ABAT: variants seen among roughly 807,000 people sequenced by gnomAD.
ABAT encodes the protein 4-aminobutyrate aminotransferase, mitochondrial.
Under a neutral mutation model 64.6 loss-of-function variants are expected in ABAT, and 45 were observed. That is an observed-to-expected ratio of 0.70 (90% CI 0.55 to 0.89). The LOEUF is 0.89. Ranked by LOEUF, ABAT falls within the 40% of genes least tolerant of loss-of-function variation. ABAT has a pLI of 0.00. For synonymous variants in ABAT, 297 were observed against 250.5 expected, an observed-to-expected ratio of 1.19 and a Z score of -1.75; for missense variants, 633 against 658.4, an observed-to-expected ratio of 0.96 and a Z score of 0.42.
In ABAT at chr16:8,753,997, A is replaced by C. The variant is rs150700163; in HGVS notation, c.316+3458A>C. ...AGAGGCTTGGGCAGGCAACAGAAAG[A>C]TTGTTCCTACTGCATTCAACCTCTG... On this transcript the variant is annotated intron_variant, in intron 5 of 15. Transcript: ENST00000268251. 2.3e-3 allele frequency among the ~76,000 whole-genome samples: 352 copies of C among 152,048 alleles called. 3 individuals are homozygous for C. Among genetic ancestry groups the C allele is most frequent in the African/African-American group, 8.1e-3 (338 of 41,496 alleles).
chr16:8,711,248 A>C (rs2142082117), intron 1 of ABAT, among the ~76,000 whole-genome samples: 1 of 152,308 alleles, frequency 6.6e-6, no homozygotes, highest in South Asian at 2.1e-4. Context: ...ATATTTCATG[A>C]TAAAAATTCA....
intron 1 of ABAT, among the ~76,000 whole-genome samples, chr16:8,694,276 G>A (rs1402334450): frequency 6.6e-6 from 1 of 151,634 alleles, no homozygotes; most frequent in East Asian, 1.9e-4. Context: ...GCCCGCCTCG[G>A]CCTTCCAAAG....
chr16:8,738,752 C>G (rs2059069329), intron 2 of ABAT, among the ~76,000 whole-genome samples: 1 of 151,748 alleles, frequency 6.6e-6, no homozygotes, highest in Non-Finnish European at 1.5e-5. Context: ...TCAAGTGATC[C>G]TCCTGCCTCA....
chr16:8,767,270 C>T (rs1039273978), intron 9 of ABAT, among the ~76,000 whole-genome samples: 1 of 152,252 alleles, frequency 6.6e-6, no homozygotes, highest in Admixed American at 6.5e-5. Context: ...TGCACCCCTC[C>T]TGAACCCAAG....
At chr16:8,748,673 T>G (rs1160887597) in intron 4 of ABAT, among the ~76,000 whole-genome samples, 2 of 2,988 alleles carry the variant, frequency 6.7e-4, no homozygotes, top group Non-Finnish European at 9.7e-3. Context: ...TTTTTCCCTT[T>G]GATTCTGTTT....
chr16:8,705,290 C>T (rs905297514), intron 1 of ABAT, among the ~76,000 whole-genome samples: 4 of 151,952 alleles, frequency 2.6e-5, no homozygotes, highest in Non-Finnish European at 5.9e-5. Context: ...ACAGGGAAAA[C>T]TGCCACTTTA....
At position 8,710,727 on chromosome 16, in the gene ABAT, A is replaced by AGAGAGAGAGGGAGG. The variant is rs146344975; in HGVS notation, c.-41-24969_-41-24968insAGAGAGGGAGGGAG. ...GAGAGAGAGAGAGAGAGAGAGAGAG[A>AGAGAGAGAGGGAGG]GAGGAAATAGGCTCAGGAGCAAGCA... is the stretch of plus-strand genomic sequence containing the variant. On this transcript the variant is annotated intron_variant, in intron 1 of 15. Coordinates refer to ENST00000268251, the MANE Select transcript of ABAT (RefSeq NM_020686.6). 7.7e-5 allele frequency among the ~76,000 whole-genome samples: 8 copies of AGAGAGAGAGGGAGG among 103,756 alleles called. No homozygotes were observed. In the South Asian group the frequency reaches 1.2e-3, roughly 16 times the overall value. 68.1% of individuals were successfully genotyped at this position (103,756 alleles called of 152,430 possible). A position where few individuals can be genotyped will look rare whatever the true frequency, so the allele number is the denominator to read the frequency against.
rs764837554 is a variant in ABAT, at chr16:8,757,732, T to C, written c.317-25T>C. 6.2e-6 allele frequency: 10 copies of C among 1,613,094 alleles called. No individual in the cohort carries two copies. The African/African-American group carries it at 9.3e-5, about 15-fold the overall frequency. On this transcript the variant is annotated intron_variant, in intron 5 of 15. Coordinates refer to ENST00000268251, the MANE Select transcript of ABAT (RefSeq NM_020686.6). ...GGGAACCCTTGGATGCAATGAGGTC[T>C]CTAACAATACTCTCCTGCCCTCAGG...
chr16:8,762,102 G>C (rs747427737), intron 6 of ABAT, among the ~76,000 whole-genome samples: 1 of 151,916 alleles, frequency 6.6e-6, no homozygotes, highest in Non-Finnish European at 1.5e-5. Flanking sequence ...GGACTCAAAA[G>C]ATCCTCCCAC....
At chr16:8,703,470 A>C (rs189899801) in intron 1 of ABAT, among the ~76,000 whole-genome samples, 3 of 152,108 alleles carry the variant, frequency 2.0e-5, no homozygotes, top group African/African-American at 7.2e-5. Context: ...AAAAAAAAAA[A>C]CCAAAAAATT....
At chr16:8,719,799 A>G (rs555663956) in intron 1 of ABAT, among the ~76,000 whole-genome samples, 3 of 152,332 alleles carry the variant, frequency 2.0e-5, no homozygotes, top group East Asian at 3.9e-4. Context: ...GAAGTTGTTC[A>G]CAATTTTTGT....
chr16:8,756,217 T>A (rs2059645048), intron 5 of ABAT, among the ~76,000 whole-genome samples: 1 of 152,044 alleles, frequency 6.6e-6, no homozygotes, highest in Non-Finnish European at 1.5e-5. Flanking sequence ...AAGACTCTGC[T>A]GAAAAGAAGA....
In ABAT at chr16:8,773,158, A is replaced by ATTTTTTTTT. The variant is rs57095363; in HGVS notation, c.954+244_954+252dup. Among the ~76,000 whole-genome samples, 970 of 126,812 alleles carry ATTTTTTTTT rather than the reference A, an allele frequency of 7.6e-3. 28 individuals are homozygous for ATTTTTTTTT. The highest frequency in any genetic ancestry group is 0.029 in the African/African-American group (877 of 30,430). 83.2% of individuals were successfully genotyped at this position (126,812 alleles called of 152,430 possible). A position where few individuals can be genotyped will look rare whatever the true frequency, so the allele number is the denominator to read the frequency against. The stretch of plus-strand genomic sequence containing the variant: ...CACACACACACACACATATATATAT[A>ATTTTTTTTT]TTTTTTTTTTTGAGACAGAGTCTCA... On this transcript the variant is annotated intron_variant, in intron 12 of 15. Coordinates refer to ENST00000268251, the MANE Select transcript of ABAT (RefSeq NM_020686.6).
intron 14 of ABAT, among the ~76,000 whole-genome samples, chr16:8,777,971 G>A (rs765269776): frequency 2.0e-5 from 3 of 151,954 alleles, no homozygotes; most frequent in Non-Finnish European, 2.9e-5. Context: ...AACAAATTGT[G>A]CACATAAGTG....
chr16:8,708,112 G>C (rs1386787487), intron 1 of ABAT, among the ~76,000 whole-genome samples: 1 of 152,202 alleles, frequency 6.6e-6, no homozygotes, highest in Non-Finnish European at 1.5e-5. Context: ...TGCTCTGGAG[G>C]GTGGAAGCCT....
chr16:8,770,807 C>T (rs187096858), intron 11 of ABAT, among the ~76,000 whole-genome samples: 355 of 152,004 alleles, frequency 2.3e-3, no homozygotes, highest in Non-Finnish European at 4.3e-3. Flanking sequence ...TTTATTGAAC[C>T]GAATATATTC....
intron 1 of ABAT, among the ~76,000 whole-genome samples, chr16:8,694,264 C>G (rs994002613): frequency 6.6e-5 from 10 of 151,986 alleles, no homozygotes; most frequent in Non-Finnish European, 1.2e-4. Context: ...ATCTTCTGAC[C>G]CGCCCGCCTC....
chr16:8,777,590 G>A (rs113909068), intron 14 of ABAT, among the ~76,000 whole-genome samples: 2,133 of 152,272 alleles, frequency 0.014, 38 homozygotes, highest in African/African-American at 0.049. Context: ...GTGTGTGTGT[G>A]AGTGTGGCAG....
intron 1 of ABAT, among the ~76,000 whole-genome samples, chr16:8,726,241 C>A (rs1294751923): frequency 6.9e-6 from 1 of 145,248 alleles, no homozygotes; most frequent in Non-Finnish European, 1.5e-5. Flanking sequence ...GTTCCATCCA[C>A]GTTGTTGCAA....
Sources: allele counts gnomAD v4.1 joint callset (sites outside exome capture counted in the v4.1 genomes callset), GRCh38; gene constraint gnomAD v4.1.1; transcripts MANE v1.5; gene names NCBI Gene and HGNC (gene_info 2026-07-23, HGNC 2026-07-21).